Variants in GON4L observed in about 807,000 individuals in gnomAD.
GON4L encodes GON-4-like protein.
A neutral mutation model predicts 211.8 loss-of-function variants in GON4L; 87 were observed. That is an observed-to-expected ratio of 0.41 (90% confidence interval 0.35 to 0.49). The LOEUF is 0.49. Among genes scored for constraint, GON4L ranks in the 20% least tolerant of loss-of-function variants. The pLI is 0.15. For missense variants in GON4L, 2,155 were observed against 2,659.5 expected, an observed-to-expected ratio of 0.81 and a Z score of 4.17; for synonymous variants, 875 against 962.6, an observed-to-expected ratio of 0.91 and a Z score of 1.68.
intron 2 of GON4L, 41 bp downstream of exon 2, chr1:155,853,235 G>GT (rs1425491747): frequency 1.3e-6 from 2 of 1,510,668 alleles, no homozygotes; most frequent in Admixed American, 3.3e-5. Flanking sequence ...TGGCAAAGTG[G>GT]TATTGACAAG....
At chr1:155,807,724 A>AAAAAAAG (rs1557883010) in intron 10 of GON4L, among the ~76,000 whole-genome samples, 1 of 149,770 alleles carries the variant, frequency 6.7e-6, no homozygotes, top group South Asian at 2.1e-4. Context: ...AAAAAAAAAA[A>AAAAAAAG]AGAAAATCAG....
At chr1:155,745,395 C>A (rs537970761), downstream of GON4L, among the ~76,000 whole-genome samples, 13 of 152,314 alleles carry the variant, frequency 8.5e-5, no homozygotes, top group African/African-American at 2.6e-4. Context: ...GATGAGGGGG[C>A]ATGGGAGGCT....
chr1:155,842,151 T>G (rs758035362), intron 2 of GON4L, among the ~76,000 whole-genome samples: 8 of 152,102 alleles, frequency 5.3e-5, no homozygotes, highest in Non-Finnish European at 1.0e-4. Flanking sequence ...CAAAAGGCAC[T>G]CTAAGAATAT....
intron 14 of GON4L, among the ~76,000 whole-genome samples, chr1:155,781,304 G>A (rs996265977): frequency 5.3e-5 from 8 of 151,604 alleles, no homozygotes; most frequent in Non-Finnish European, 1.2e-4. Flanking sequence ...CAACACGTCC[G>A]ACTAATTTTT....
chr1:155,851,838 A>G (rs1671822899), intron 2 of GON4L, among the ~76,000 whole-genome samples: 1 of 151,994 alleles, frequency 6.6e-6, no homozygotes, highest in Non-Finnish European at 1.5e-5. Flanking sequence ...TGAAAAACAA[A>G]ACCTTTCACA....
chr1:155,853,547 C>A lies in GON4L; in HGVS notation c.234G>T (p.Leu78=), dbSNP rs368408623. 6.2e-7 allele frequency: 1 copy of A among 1,614,212 alleles called. No individual in the cohort carries two copies. The highest frequency in any genetic ancestry group is 1.1e-5 in the South Asian group (1 of 91,088). The change falls in exon 2 of 32, where the codon CTG becomes CTT. Residue 78 remains leucine, a synonymous_variant. Transcript: ENST00000368331. ...GNQLGMEDTS[L]SSGMLTQNTN... is the part of the protein sequence containing the mutation. ...TGTTCTGGGTGAGCATTCCAGAGCT[C>A]AGAGATGTATCCTCCATACCAAGCT...
At position 155,767,547 on chromosome 1, in the gene GON4L, C is replaced by G; in HGVS notation, c.2647-6G>C. The G allele has an allele frequency of 6.2e-7, 1 of 1,607,964 alleles. No homozygotes were observed. The highest frequency in any genetic ancestry group is 8.5e-7 in the Non-Finnish European group (1 of 1,175,900). On this transcript the variant is annotated splice_polypyrimidine_tract_variant and splice_region_variant and intron_variant, in intron 19 of 31. Transcript: ENST00000368331. ...TGTTTGGTCTTCTTATAAAACTTAACATGAAAAAAATGCGCATGAATTACA... is the reference window on the plus strand; with the variant it reads ...TGTTTGGTCTTCTTATAAAACTTAAGATGAAAAAAATGCGCATGAATTACA...
intron 2 of GON4L, among the ~76,000 whole-genome samples, chr1:155,851,698 A>G (rs1185813759): frequency 6.6e-6 from 1 of 151,924 alleles, no homozygotes; most frequent in African/African-American, 2.4e-5. Flanking sequence ...CCTGGGCGAC[A>G]AAGCGAGACT....
At chr1:155,794,229 G>A (rs1402018681) in intron 12 of GON4L, among the ~76,000 whole-genome samples, 6 of 151,952 alleles carry the variant, frequency 3.9e-5, no homozygotes, top group African/African-American at 9.7e-5. Context: ...CTACTACCAC[G>A]CCTGGCTAAT....
chr1:155,759,745 G>A (rs964253977), intron 24 of GON4L, among the ~76,000 whole-genome samples: 3 of 151,334 alleles, frequency 2.0e-5, no homozygotes, highest in African/African-American at 7.3e-5. Context: ...TTTTTATGAC[G>A]ATAAGTCCAG....
At chr1:155,774,528 C>A (rs1320716868) in intron 17 of GON4L, among the ~76,000 whole-genome samples, 3 of 152,016 alleles carry the variant, frequency 2.0e-5, no homozygotes, top group Admixed American at 1.3e-4. Context: ...AGGATGGTCT[C>A]CATCTCCTGA....
chr1:155,836,540 G>A (rs370376347), intron 2 of GON4L, among the ~76,000 whole-genome samples: 19 of 152,264 alleles, frequency 1.2e-4, no homozygotes, highest in African/African-American at 4.1e-4. Flanking sequence ...GAGCCACCAC[G>A]CCTGGCCGAT....
chr1:155,749,288 T>A (rs4083698), downstream of GON4L: 96 of 1,610,136 alleles, frequency 6.0e-5, no homozygotes, highest in Admixed American at 1.8e-4. Flanking sequence ...TTATTCATGC[T>A]GCCACAGACT....
At chr1:155,807,203 C>T (rs1305816133) in intron 10 of GON4L, among the ~76,000 whole-genome samples, 1 of 151,778 alleles carries the variant, frequency 6.6e-6, no homozygotes, top group African/African-American at 2.4e-5. Context: ...GAGTTCAAGA[C>T]CAGCTGGGCA....
At chr1:155,783,426 C>T (rs1463431044) in intron 14 of GON4L, among the ~76,000 whole-genome samples, 6 of 152,108 alleles carry the variant, frequency 3.9e-5, no homozygotes, top group African/African-American at 1.4e-4. Context: ...CAATGGATAA[C>T]AATACAATAA....
At chr1:155,817,891 G>A in intron 6 of GON4L, among the ~76,000 whole-genome samples, 1 of 142,912 alleles carries the variant, frequency 7.0e-6, no homozygotes, top group African/African-American at 2.6e-5. Flanking sequence ...TTAGGCCACT[G>A]TACTCTAGCC....
chr1:155,845,605 C>A, intron 2 of GON4L: 1 of 319,474 alleles, frequency 3.1e-6, no homozygotes, highest in Non-Finnish European at 6.3e-6. Context: ...AAAACACATA[C>A]AGAATGTTTA....
intron 24 of GON4L, among the ~76,000 whole-genome samples, chr1:155,759,391 G>A (rs1661529621): frequency 6.6e-6 from 1 of 152,108 alleles, no homozygotes; most frequent in South Asian, 2.1e-4. Context: ...GACCAACATG[G>A]AGAAACCCCG....
intron 10 of GON4L, 103 bp downstream of exon 10, chr1:155,813,531 C>T: frequency 2.3e-6 from 2 of 856,928 alleles, no homozygotes; most frequent in Non-Finnish European, 3.9e-6. Context: ...CTAACTCTTA[C>T]TTATATAAAA....
Sources: gnomAD v4.1 joint callset for allele counts (sites outside exome capture counted in the v4.1 genomes callset) on GRCh38, gnomAD v4.1.1 for gene constraint, MANE v1.5 for transcripts, NCBI Gene and HGNC (gene_info 2026-07-23, HGNC 2026-07-21) for gene names.